The following DAD1 variants were observed in gnomAD, a reference collection of about 807,000 sequenced individuals.
The protein encoded by DAD1 is dolichyl-diphosphooligosaccharide--protein glycosyltransferase subunit DAD1.
DAD1 carries 4 observed loss-of-function variants against 9.0 expected under a neutral mutation model. The ratio of observed to expected loss-of-function variants is 0.44; its 90% CI spans 0.22 to 1.01. The LOEUF (loss-of-function observed/expected upper bound fraction) is 1.01, where lower values mean the gene tolerates loss of function less well. DAD1 is among the 50% of genes least tolerant of loss of function. DAD1 has a pLI of 0.24. For synonymous variants in DAD1, 60 were observed against 62.5 expected (o/e 0.96, Z 0.19); for missense variants, 119 against 137.3 (o/e 0.87, Z 0.67).
Position 22,564,915 on chromosome 14 carries a change from G to C in DAD1, c.*267C>G, listed in dbSNP as rs1242024754. 1.7e-6 allele frequency: 1 copy of C among 584,632 alleles called. No individual in the cohort carries two copies. The highest frequency in any genetic ancestry group is 3.0e-6 in the Non-Finnish European group (1 of 330,480). The allele number at this position is 584,632 out of a possible 1,614,324, so 36.2% of individuals were successfully genotyped here. On this transcript the variant is annotated 3_prime_UTR_variant, in exon 3 of 3. Transcript: ENST00000250498. ...AGAGCCAGAGGCATATGGAGGAGTGGCATGGAGTTCTTTAATTTGGAAGGC... is the reference window on the plus strand; with the variant it reads ...AGAGCCAGAGGCATATGGAGGAGTGCCATGGAGTTCTTTAATTTGGAAGGC...
chr14:22,584,355 C>A (rs2037138144), intron 1 of DAD1, among the ~76,000 whole-genome samples: 1 of 152,018 alleles, frequency 6.6e-6, no homozygotes, highest in African/African-American at 2.4e-5. Flanking sequence ...CTCACACACA[C>A]ACATACAAGG....
chr14:22,571,410 CTTCT>C (rs2037039046), intron 2 of DAD1, among the ~76,000 whole-genome samples: 1 of 151,558 alleles, frequency 6.6e-6, no homozygotes, highest in Admixed American at 6.6e-5. Flanking sequence ...ATCCACTGAG[CTTCT>C]TTCTGTCATG....
Position 22,565,017 on chromosome 14 carries a change from C to CTCTG in DAD1, c.*161_*164dup. 1 of 678,732 alleles carries CTCTG rather than the reference C, an allele frequency of 1.5e-6. No individual in the cohort carries two copies. Among genetic ancestry groups the CTCTG allele is most frequent in the Non-Finnish European group, 2.7e-6 (1 of 373,908 alleles). 42.0% of individuals were successfully genotyped at this position (678,732 alleles called of 1,614,324 possible). A position where few individuals can be genotyped will look rare whatever the true frequency, so the allele number is the denominator to read the frequency against. On this transcript the variant is annotated 3_prime_UTR_variant, in exon 3 of 3. Coordinates refer to ENST00000250498, the MANE Select transcript of DAD1 (RefSeq NM_001344.4). ...GAAAGTTGTTCTGACACACAGTGAACTCTGGGCTTTTCTCCTGCATAAAAA... is the reference window on the plus strand; with the variant it reads ...GAAAGTTGTTCTGACACACAGTGAACTCTGTCTGGGCTTTTCTCCTGCATAAAAA...
At chr14:22,568,321 A>G (rs2037014816) in intron 2 of DAD1, among the ~76,000 whole-genome samples, 1 of 152,256 alleles carries the variant, frequency 6.6e-6, no homozygotes, top group Non-Finnish European at 1.5e-5. Flanking sequence ...TTAACGTGGG[A>G]ACTAGAAGAC....
chr14:22,583,978 A>C (rs7154792), intron 1 of DAD1, among the ~76,000 whole-genome samples: 13,665 of 152,168 alleles, frequency 0.09, 1,163 homozygotes, highest in African/African-American at 0.21. Context: ...AGGAAGGCGA[A>C]TGTATAAGAG....
intron 2 of DAD1, among the ~76,000 whole-genome samples, chr14:22,571,008 ATT>A (rs59314743): frequency 0.044 from 6,394 of 145,726 alleles, 492 homozygotes; most frequent in African/African-American, 0.15. Context: ...ATGGACTGAG[ATT>A]TTTTTTTTTT....
chr14:22,580,802 G>A (rs190005135), intron 1 of DAD1, among the ~76,000 whole-genome samples: 67 of 152,246 alleles, frequency 4.4e-4, no homozygotes, highest in African/African-American at 1.5e-3. Context: ...TACTAATCAC[G>A]TGGGAAGCTT....
chr14:22,575,295 G>A (rs978765933), intron 1 of DAD1, 62 bp from the exon 2 acceptor site: 20 of 1,568,076 alleles, frequency 1.3e-5, no homozygotes, highest in Non-Finnish European at 1.6e-5. Context: ...ATATGCTAAT[G>A]AACACAGACA....
chr14:22,577,252 G>A (rs1160652717), intron 1 of DAD1, among the ~76,000 whole-genome samples: 1 of 152,114 alleles, frequency 6.6e-6, no homozygotes, highest in African/African-American at 2.4e-5. Flanking sequence ...TGGCCAACAT[G>A]GTGAAACCCC....
At chr14:22,572,146 G>A (rs5742813) in intron 2 of DAD1, among the ~76,000 whole-genome samples, 5,939 of 152,088 alleles carry the variant, frequency 0.039, 164 homozygotes, top group Non-Finnish European at 0.06. Flanking sequence ...GCCTCTTTCA[G>A]AGTAGGTTAG....
At chr14:22,576,311 A>G (rs1439866671) in intron 1 of DAD1, among the ~76,000 whole-genome samples, 1 of 152,222 alleles carries the variant, frequency 6.6e-6, no homozygotes, top group Non-Finnish European at 1.5e-5. Context: ...AAACCCTCGT[A>G]TACAAAATCA....
intron 2 of DAD1, among the ~76,000 whole-genome samples, chr14:22,570,538 G>T (rs5742829): frequency 0.094 from 14,280 of 152,092 alleles, 1,210 homozygotes; most frequent in African/African-American, 0.23. Flanking sequence ...TGTAGTAGCC[G>T]CTCAACACAT....
intron 1 of DAD1, among the ~76,000 whole-genome samples, chr14:22,584,671 G>T (rs1232663258): frequency 6.6e-6 from 1 of 152,232 alleles, no homozygotes; most frequent in East Asian, 1.9e-4. Flanking sequence ...TTCAGAGAAT[G>T]ACAAGTAGCT....
chr14:22,576,147 G>A (rs775563736), intron 1 of DAD1, among the ~76,000 whole-genome samples: 1 of 152,190 alleles, frequency 6.6e-6, no homozygotes, highest in Non-Finnish European at 1.5e-5. Flanking sequence ...AGGCACGGGT[G>A]AACACATCTG....
At chr14:22,584,429 C>A (rs1325595989) in intron 1 of DAD1, among the ~76,000 whole-genome samples, 6 of 151,990 alleles carry the variant, frequency 3.9e-5, no homozygotes, top group African/African-American at 9.7e-5. Flanking sequence ...TTCCAAAGGG[C>A]AATAAGCCAG....
chr14:22,567,327 T>C (rs1594878845), intron 2 of DAD1, among the ~76,000 whole-genome samples: 1 of 152,342 alleles, frequency 6.6e-6, no homozygotes, highest in Middle Eastern at 3.4e-3. Context: ...CAAATACTGA[T>C]TTTCCTTCAA....
chr14:22,567,517 C>G (rs975715127), intron 2 of DAD1, among the ~76,000 whole-genome samples: 3 of 152,192 alleles, frequency 2.0e-5, no homozygotes, highest in African/African-American at 7.2e-5. Context: ...TTCTTTAATC[C>G]TTTCATTACA....
chr14:22,568,742 G>A (rs886822964), intron 2 of DAD1, among the ~76,000 whole-genome samples: 2 of 149,768 alleles, frequency 1.3e-5, no homozygotes, highest in African/African-American at 2.5e-5. Context: ...TGTCACTCAG[G>A]CTGGAGTGCA....
intron 2 of DAD1, among the ~76,000 whole-genome samples, chr14:22,569,698 A>G (rs1418147651): frequency 6.6e-6 from 1 of 152,276 alleles, no homozygotes; most frequent in Non-Finnish European, 1.5e-5. Context: ...ATTCATAAAT[A>G]TAAATCTATT....
Sources: gnomAD v4.1 joint callset for allele counts (sites outside exome capture counted in the v4.1 genomes callset) on GRCh38, gnomAD v4.1.1 for gene constraint, MANE v1.5 for transcripts, NCBI Gene and HGNC (gene_info 2026-07-23, HGNC 2026-07-21) for gene names.